The following LRIG3 variants were observed in gnomAD, a reference collection of about 807,000 sequenced individuals.
LRIG3 encodes the protein leucine rich repeats and immunoglobulin like domains 3.
A neutral mutation model predicts 114.5 loss-of-function variants in LRIG3; 76 were observed. The ratio of observed to expected loss-of-function variants is 0.66; its 90% confidence interval spans 0.55 to 0.80. The LOEUF (loss-of-function observed/expected upper bound fraction) is 0.80. LRIG3 is among the 30% of genes least tolerant of loss of function. LRIG3 has a pLI of 0.00. For missense variants in LRIG3, 1,239 were observed against 1,382.8 expected, an observed-to-expected ratio of 0.90 and a Z score of 1.65; for synonymous variants, 512 against 519.8, an observed-to-expected ratio of 0.98 and a Z score of 0.20.
At chr12:58,897,209 G>A (rs1049089450) in intron 3 of LRIG3, among the ~76,000 whole-genome samples, 4 of 152,162 alleles carry the variant, frequency 2.6e-5, no homozygotes, top group Non-Finnish European at 5.9e-5. Flanking sequence ...AGCCAACTGA[G>A]GAAACTTGTG....
chr12:58,889,135 A>C (rs1871370070), intron 5 of LRIG3, among the ~76,000 whole-genome samples, 173 bp from the exon 6 acceptor site: 1 of 152,226 alleles, frequency 6.6e-6, no homozygotes, highest in African/African-American at 2.4e-5. Context: ...GCAGGCAGTG[A>C]ATTTCCTACT....
At chr12:58,919,334 A>C in intron 1 of LRIG3, 2 of 1,525,750 alleles carry the variant, frequency 1.3e-6, no homozygotes, top group Admixed American at 2.0e-5. Context: ...GAGGAGCTAC[A>C]GAAATCACGC....
intron 3 of LRIG3, among the ~76,000 whole-genome samples, chr12:58,898,999 T>C (rs1281468686): frequency 6.6e-6 from 1 of 152,216 alleles, no homozygotes; most frequent in Non-Finnish European, 1.5e-5. Flanking sequence ...TAATGCCAGC[T>C]TGGGGAGCCA....
chr12:58,903,847 C>G (rs1481211831), intron 3 of LRIG3, among the ~76,000 whole-genome samples: 5 of 151,944 alleles, frequency 3.3e-5, no homozygotes, highest in South Asian at 2.1e-4. Flanking sequence ...GCTTGTTTTT[C>G]TCAGGTTTGT....
chr12:58,880,169 G>A (rs1042103742), intron 13 of LRIG3, among the ~76,000 whole-genome samples: 5 of 151,944 alleles, frequency 3.3e-5, no homozygotes, highest in Non-Finnish European at 7.4e-5. Flanking sequence ...GGTGGCGCAC[G>A]CCTGTAATCC....
Position 58,877,768 on chromosome 12 carries a change from C to CT in LRIG3, c.2167dup (p.Ser723LysfsTer5). 6.2e-7 allele frequency: 1 copy of CT among 1,614,206 alleles called. No individual in the cohort carries two copies. The highest frequency in any genetic ancestry group is 8.5e-7 in the Non-Finnish European group (1 of 1,180,024). ...GGTCCAGTTCAGTTTAGGGGGAGGG[C>CT]TTCCTCCAGCAATGCACTGTAGGAC... On this transcript the variant is annotated frameshift_variant, in exon 15 of 19. Coordinates refer to ENST00000320743, the MANE Select transcript of LRIG3 (RefSeq NM_153377.5). LOFTEE classifies it high-confidence loss of function.
chr12:58,888,032 T>C (rs555076092), intron 7 of LRIG3, 100 bp from the exon 8 acceptor site: 2 of 1,036,150 alleles, frequency 1.9e-6, no homozygotes, highest in South Asian at 1.8e-5. Context: ...CACTAATCCT[T>C]ATTTTTAAAT....
chr12:58,883,647 T>C, intron 10 of LRIG3, 56 bp from the exon 11 acceptor site: 4 of 1,398,562 alleles, frequency 2.9e-6, no homozygotes, highest in Non-Finnish European at 2.9e-6. Context: ...TTCGTGCTTT[T>C]GGACAAAGTT....
intron 3 of LRIG3, among the ~76,000 whole-genome samples, chr12:58,896,235 A>G (rs1366338958): frequency 6.6e-6 from 1 of 152,226 alleles, no homozygotes; most frequent in East Asian, 1.9e-4. Context: ...CAACAGTAAA[A>G]TATAACTTAT....
intron 1 of LRIG3, 22 bp downstream of exon 1, chr12:58,919,978 C>T (rs1872611198): frequency 6.5e-7 from 1 of 1,545,476 alleles, no homozygotes; most frequent in Non-Finnish European, 8.7e-7. Context: ...GGGCCCCCTC[C>T]CCCCGCGGGA....
chr12:58,916,835 T>C (rs1452132952), intron 1 of LRIG3, among the ~76,000 whole-genome samples: 1 of 152,182 alleles, frequency 6.6e-6, no homozygotes, highest in African/African-American at 2.4e-5. Flanking sequence ...TATATGAAAA[T>C]AATCAATTTG....
chr12:58,889,095 T>C, intron 5 of LRIG3, 133 bp from the exon 6 acceptor site: 1 of 848,226 alleles, frequency 1.2e-6, no homozygotes, highest in Non-Finnish European at 1.8e-6. Flanking sequence ...TTTCTAAACA[T>C]TTTTATTGCA....
At chr12:58,884,024 G>A (rs111746823) in intron 10 of LRIG3, among the ~76,000 whole-genome samples, 131 of 152,274 alleles carry the variant, frequency 8.6e-4, no homozygotes, top group African/African-American at 2.8e-3. Flanking sequence ...TGATTTACAA[G>A]TGTTACTGCA....
At chr12:58,897,638 C>T (rs372533663) in intron 3 of LRIG3, among the ~76,000 whole-genome samples, 30 of 152,216 alleles carry the variant, frequency 2.0e-4, no homozygotes, top group African/African-American at 6.7e-4. Flanking sequence ...CCCATTCACA[C>T]CACATACAAA....
Position 58,877,715 on chromosome 12 carries a change from C to A in LRIG3, c.2221G>T (p.Glu741Ter), listed in dbSNP as rs780460862. ...TKDDSPLVVT[E>*]RHFFAAGNQL... Reference sequence around the variant, plus strand: ...TTGCCTGCTGCAAAAAAGTGCCTCTCGGTTACCACCAATGGGCTATCATCT... The same window carrying A: ...TTGCCTGCTGCAAAAAAGTGCCTCTAGGTTACCACCAATGGGCTATCATCT... The change falls in exon 15 of 19, where the codon GAG (glutamate) becomes TAG (stop). Residue 741 changes from glutamate (E) to a stop codon, truncating the protein, a stop_gained. Transcript: ENST00000320743. LOFTEE classifies it high-confidence loss of function. 1 of 1,614,200 alleles carries A rather than the reference C, an allele frequency of 6.2e-7. No homozygotes were observed. Among genetic ancestry groups the A allele is most frequent in the South Asian group, 1.1e-5 (1 of 91,082 alleles).
chr12:58,872,574 A>G lies in LRIG3; in HGVS notation c.3358T>C (p.Ter1120GlnextTer3). Residue 1120 changes from the stop codon to glutamine (Q), a stop_lost, in exon 19 of 19, where the codon TAG becomes CAG. Coordinates refer to ENST00000320743, the MANE Select transcript of LRIG3 (RefSeq NM_153377.5). The stretch of plus-strand genomic sequence containing the variant: ...CTTTTCCTTTGGTCTCATTCAGTCT[A>G]TGTGTCCAAGTCATAAGACTGAAAA... ...PNFQSYDLDT[*>Q] 2 of 1,611,192 alleles carry G rather than the reference A, an allele frequency of 1.2e-6. No individual in the cohort carries two copies. Among genetic ancestry groups the G allele is most frequent in the African/African-American group, 2.7e-5 (2 of 74,848 alleles).
In LRIG3 at chr12:58,880,721, G is replaced by A. The variant is rs1204362990; in HGVS notation, c.1661C>T (p.Ala554Val). ...ATACTCCATCACCTCGCCACCTTGG[G>A]CCCGGAGGTGTGCATAATTTTCCAT... ...AEMENYAHLR[A>V]QGGEVMEYTT... Residue 554 changes from alanine to valine, a missense_variant, in exon 13 of 19, where the codon GCC becomes GTC. By Grantham distance (64) the Ala-to-Val change is moderately conservative. Coordinates refer to ENST00000320743, the MANE Select transcript of LRIG3 (RefSeq NM_153377.5). The A allele has an allele frequency of 2.5e-6, 4 of 1,614,180 alleles. No individual in the cohort carries two copies. The highest frequency in any genetic ancestry group is 3.4e-6 in the Non-Finnish European group (4 of 1,180,040).
intron 10 of LRIG3, 73 bp downstream of exon 10, chr12:58,885,758 T>A (rs984487896): frequency 9.4e-7 from 1 of 1,063,448 alleles, no homozygotes; most frequent in African/African-American, 1.6e-5. Context: ...CAGTTTGTTT[T>A]ATCTTTCATG....
rs201014796 is a variant in LRIG3, at chr12:58,883,014, G to T, written c.1335C>A (p.Ser445Arg). The T allele has an allele frequency of 8.1e-6, 13 of 1,613,058 alleles. No homozygotes were observed. The highest frequency in any genetic ancestry group is 1.1e-5 in the Non-Finnish European group (13 of 1,179,580). The part of the protein sequence containing the change: ...KLQQLHLNTS[S>R]LLCDCQLKWL... ...ATTTTAGCTGGCAATCGCACAAAAGGCTTGATGTATTTAAATGCCTGAGGA... is the reference window on the plus strand; with the variant it reads ...ATTTTAGCTGGCAATCGCACAAAAGTCTTGATGTATTTAAATGCCTGAGGA... The change falls in exon 12 of 19, where the codon AGC (serine) becomes AGA (arginine). Residue 445 changes from serine to arginine, a missense_variant. Coordinates refer to ENST00000320743, the MANE Select transcript of LRIG3 (RefSeq NM_153377.5).
Sources: allele counts gnomAD v4.1 joint callset (sites outside exome capture counted in the v4.1 genomes callset), GRCh38; gene constraint gnomAD v4.1.1; transcripts MANE v1.5; gene names NCBI Gene and HGNC (gene_info 2026-07-23, HGNC 2026-07-21).